Variants in DOP1A observed in about 807,000 individuals in gnomAD.
DOP1A encodes the protein protein DOP1A.
DOP1A carries 90 observed loss-of-function variants against 267.6 expected under a neutral mutation model. The ratio of observed to expected loss-of-function variants is 0.34; its 90% CI spans 0.28 to 0.40. The LOEUF (loss-of-function observed/expected upper bound fraction) is 0.40, where lower values mean the gene tolerates loss of function less well. Ranked by LOEUF, DOP1A falls within the 10% of genes least tolerant of loss-of-function variation. DOP1A has a pLI of 1.00. For missense variants in DOP1A, 2,437 were observed against 2,900.4 expected, an observed-to-expected ratio of 0.84 and a Z score of 3.67; for synonymous variants, 932 against 999.1, an observed-to-expected ratio of 0.93 and a Z score of 1.27.
At chr6:83,152,643 G>A (rs1462469328) in intron 30 of DOP1A, among the ~76,000 whole-genome samples, 1 of 133,682 alleles carries the variant, frequency 7.5e-6, no homozygotes, top group Non-Finnish European at 1.6e-5. Flanking sequence ...TTTTGAGACA[G>A]TTTCACTCTT....
At chr6:83,144,559 C>T (rs1780170559) in intron 24 of DOP1A, among the ~76,000 whole-genome samples, 1 of 152,070 alleles carries the variant, frequency 6.6e-6, no homozygotes, top group African/African-American at 2.4e-5. Context: ...TAGTACAATG[C>T]ACATTGCAAC....
Position 83,130,169 on chromosome 6 carries a change from T to A in DOP1A, c.2388T>A (p.Asn796Lys). Residue 796 changes from asparagine to lysine, a missense_variant, in exon 17 of 39, where the codon AAT (asparagine) becomes AAA (lysine). By Grantham distance (94) the Asn-to-Lys change is moderately conservative. This residue lies in a region of DOP1A where 878 missense variants were observed against 992.9 expected (regional missense o/e 0.88). Transcript: ENST00000349129. ...CACAGTGGCTCCAGACTCTGATGAA[T>A]GCTTGCAGCCAAGCAAGTGATTTCA... ...QPPQWLQTLM[N>K]ACSQASDFSV... is the part of the protein sequence containing the mutation. 6.2e-7 allele frequency: 1 copy of A among 1,614,118 alleles called. No individual in the cohort carries two copies. The highest frequency in any genetic ancestry group is 1.1e-5 in the South Asian group (1 of 91,084).
At chr6:83,090,182 G>A (rs1239341850) in intron 1 of DOP1A, among the ~76,000 whole-genome samples, 1 of 152,182 alleles carries the variant, frequency 6.6e-6, no homozygotes, top group Non-Finnish European at 1.5e-5. Flanking sequence ...TGAGCACTCT[G>A]ATAACTTTAG....
intron 24 of DOP1A, among the ~76,000 whole-genome samples, chr6:83,142,263 A>T (rs1779771884): frequency 1.3e-5 from 2 of 152,142 alleles, no homozygotes; most frequent in African/African-American, 4.8e-5. Flanking sequence ...TAATCCCAGC[A>T]CTTTGGGAGG....
chr6:83,106,809 A>AG (rs1457321174), intron 4 of DOP1A, among the ~76,000 whole-genome samples: 1 of 151,656 alleles, frequency 6.6e-6, no homozygotes, highest in African/African-American at 2.4e-5. Context: ...GTCCATCTAA[A>AG]AAAAAAAAAG....
In DOP1A at chr6:83,119,576, G is replaced by A. The variant is rs137973437; in HGVS notation, c.881-172G>A. Among the ~76,000 whole-genome samples the A allele has an allele frequency of 1.1e-3, 173 of 152,220 alleles. 1 individual carries two copies. Among genetic ancestry groups the A allele is most frequent in the African/African-American group, 3.9e-3 (162 of 41,562 alleles). On this transcript the variant is annotated intron_variant, in intron 8 of 38. Transcript: ENST00000349129. The stretch of plus-strand genomic sequence containing the variant: ...AAGAATACTATGATACTTATGTATT[G>A]AATTGGTTTCCCTTTATTAAACTAT...
At chr6:83,075,772 G>A (rs1361139416) in intron 1 of DOP1A, among the ~76,000 whole-genome samples, 2 of 152,028 alleles carry the variant, frequency 1.3e-5, no homozygotes, top group African/African-American at 4.8e-5. Context: ...AGATAGTGTT[G>A]GGAAAAACTG....
chr6:83,135,215 C>T (rs1171524134), intron 19 of DOP1A, among the ~76,000 whole-genome samples: 1 of 152,024 alleles, frequency 6.6e-6, no homozygotes, highest in African/African-American at 2.4e-5. Context: ...AAGCACAGAG[C>T]TTTGGCTCAC....
chr6:83,142,978 TTTACA>T (rs1411573437), intron 24 of DOP1A, among the ~76,000 whole-genome samples: 4 of 152,216 alleles, frequency 2.6e-5, no homozygotes, highest in Non-Finnish European at 5.9e-5. Flanking sequence ...TTGTGCTGAT[TTTACA>T]TTACATTTTT....
chr6:83,073,316 G>A (rs1292634364), intron 1 of DOP1A, among the ~76,000 whole-genome samples: 1 of 152,044 alleles, frequency 6.6e-6, no homozygotes, highest in African/African-American at 2.4e-5. Context: ...TCTATCTCCT[G>A]ACCTCAGGTG....
At chr6:83,083,300 GT>G (rs971495751) in intron 1 of DOP1A, among the ~76,000 whole-genome samples, 10 of 150,498 alleles carry the variant, frequency 6.6e-5, no homozygotes, top group South Asian at 4.2e-4. Context: ...CATTATTATA[GT>G]TTTTTTTTAA....
intron 17 of DOP1A, 54 bp downstream of exon 17, chr6:83,130,451 C>A: frequency 6.5e-7 from 1 of 1,542,374 alleles, no homozygotes. Flanking sequence ...ATGTATGATA[C>A]TTGACCTAGT....
Position 83,140,210 on chromosome 6 carries a change from A to T in DOP1A, c.5233-11A>T. 1 of 1,607,094 alleles carries T rather than the reference A, an allele frequency of 6.2e-7. No homozygotes were observed. Among genetic ancestry groups the T allele is most frequent in the Non-Finnish European group, 8.5e-7 (1 of 1,176,956 alleles). On this transcript the variant is annotated splice_polypyrimidine_tract_variant and intron_variant, in intron 22 of 38. Transcript: ENST00000349129. The stretch of plus-strand genomic sequence containing the variant: ...TAAGTAATATGTTTCTTTTCCCCCA[A>T]CTGTTAATAGCTTTTGGTCAGTGTA...
chr6:83,125,527 C>T lies in DOP1A; in HGVS notation c.1513C>T (p.His505Tyr). The stretch of plus-strand genomic sequence containing the variant: ...GACTTACATTGAAATCCAGACAGAA[C>T]ACTTGCCCCAGTTGCTGCTCAGAAT... ...QETYIEIQTE[H>Y]LPQLLLRMIS... The change falls in exon 15 of 39, where the codon CAC becomes TAC. Residue 505 changes from histidine to tyrosine, a missense_variant. This residue lies in a region of DOP1A where 498 missense variants were observed against 513.5 expected (regional missense o/e 0.97). Coordinates refer to ENST00000349129, the MANE Select transcript of DOP1A (RefSeq NM_015018.4). 1.2e-6 allele frequency: 2 copies of T among 1,613,644 alleles called. No homozygotes were observed. Among genetic ancestry groups the T allele is most frequent in the Non-Finnish European group, 1.7e-6 (2 of 1,179,730 alleles).
chr6:83,164,306 G>A (rs1451922833), intron 38 of DOP1A, among the ~76,000 whole-genome samples: 1 of 151,752 alleles, frequency 6.6e-6, no homozygotes, highest in Admixed American at 6.6e-5. Flanking sequence ...AAAGGACAGA[G>A]ATGAGGATGT....
intron 1 of DOP1A, among the ~76,000 whole-genome samples, chr6:83,086,395 G>A (rs1769246807): frequency 6.6e-6 from 1 of 152,154 alleles, no homozygotes; most frequent in South Asian, 2.1e-4. Context: ...TGTCTTCACT[G>A]TGAGTGGGCA....
intron 17 of DOP1A, among the ~76,000 whole-genome samples, chr6:83,131,919 G>A (rs187844567): frequency 3.3e-5 from 5 of 152,144 alleles, no homozygotes; most frequent in South Asian, 4.1e-4. Flanking sequence ...TTACAGCCAT[G>A]AGCCACCATG....
Position 83,168,173 on chromosome 6 carries a change from A to G in DOP1A, c.*6A>G, listed in dbSNP as rs1046668160. The G allele has an allele frequency of 2.5e-6, 4 of 1,608,272 alleles. No individual in the cohort carries two copies. Among genetic ancestry groups the G allele is most frequent in the Non-Finnish European group, 3.4e-6 (4 of 1,177,818 alleles). Reference sequence around the variant, plus strand: ...AAGGGATGATAAAAACTTGAGCACCATTGCTGGTTCCATTTAGCTTACATG... The same window carrying G: ...AAGGGATGATAAAAACTTGAGCACCGTTGCTGGTTCCATTTAGCTTACATG... On this transcript the variant is annotated 3_prime_UTR_variant, in exon 39 of 39. Transcript: ENST00000349129.
chr6:83,130,130 G>A lies in DOP1A; in HGVS notation c.2349G>A (p.Glu783=). The change falls in exon 17 of 39, where the codon GAG becomes GAA. Residue 783 remains glutamate (E), a synonymous_variant. Coordinates refer to ENST00000349129, the MANE Select transcript of DOP1A (RefSeq NM_015018.4). ...LRSEKLETDC[E]HVQPPQWLQT... ...TACCATCTTTTGTTTCAGACTGTGA[G>A]CATGTGCAGCCTCCACAGTGGCTCC... 1 of 1,613,612 alleles carries A rather than the reference G, an allele frequency of 6.2e-7. No individual in the cohort carries two copies. The highest frequency in any genetic ancestry group is 2.2e-5 in the East Asian group (1 of 44,872).
Sources: allele counts gnomAD v4.1 joint callset (sites outside exome capture counted in the v4.1 genomes callset), GRCh38; gene constraint gnomAD v4.1.1; regional missense constraint gnomAD v4.1.1; transcripts MANE v1.5; gene names NCBI Gene and HGNC (gene_info 2026-07-23, HGNC 2026-07-21).